Variants in FKBP5 observed in about 807,000 individuals in gnomAD.
FKBP5 encodes FKBP prolyl isomerase 5, also known as peptidyl-prolyl cis-trans isomerase FKBP5.
A neutral mutation model predicts 50.5 loss-of-function variants in FKBP5; 23 were observed. The ratio of observed to expected loss-of-function variants is 0.46; its 90% CI spans 0.33 to 0.65. The LOEUF (loss-of-function observed/expected upper bound fraction) is 0.65, where lower values mean the gene tolerates loss of function less well. FKBP5 is among the 30% of genes least tolerant of loss of function. FKBP5 has a pLI of 0.02. For synonymous variants in FKBP5, 176 were observed against 190.6 expected (o/e 0.92, Z 0.63); for missense variants, 411 against 553.1 (o/e 0.74, Z 2.58).
intron 1 of FKBP5, among the ~76,000 whole-genome samples, chr6:35,665,023 G>A (rs1435520431): frequency 2.6e-5 from 4 of 151,756 alleles, no homozygotes; most frequent in Middle Eastern, 3.4e-3. Context: ...TCTTACTTTC[G>A]ACTCCATAGC....
chr6:35,687,853 C>T (rs1765875545), intron 1 of FKBP5, among the ~76,000 whole-genome samples: 2 of 152,216 alleles, frequency 1.3e-5, no homozygotes, highest in African/African-American at 4.8e-5. Flanking sequence ...CACTGCAGAA[C>T]CCGATTTTAG....
chr6:35,651,914 T>A, intron 1 of FKBP5: 5 of 1,135,066 alleles, frequency 4.4e-6, no homozygotes, highest in Non-Finnish European at 5.6e-6. Flanking sequence ...CATTGTTCAG[T>A]ATGAGTTTTG....
intron 8 of FKBP5, chr6:35,586,528 A>G: frequency 1.0e-6 from 1 of 984,002 alleles, no homozygotes; most frequent in Non-Finnish European, 1.2e-6. Flanking sequence ...GCACTTTGGG[A>G]AGCTGAGGTG....
At chr6:35,581,639 C>T in intron 8 of FKBP5, 1 of 985,350 alleles carries the variant, frequency 1.0e-6, no homozygotes, top group African/African-American at 1.7e-5. Flanking sequence ...AGGGCTGAGA[C>T]AATGTGTCCA....
At chr6:35,582,166 A>C (rs1200431526) in intron 8 of FKBP5, 1 of 964,826 alleles carries the variant, frequency 1.0e-6, no homozygotes, top group Non-Finnish European at 1.2e-6. Context: ...CACTTAGGAG[A>C]GGGAAGACTG....
intron 3 of FKBP5, among the ~76,000 whole-genome samples, chr6:35,621,740 G>C (rs1358083252): frequency 6.6e-6 from 1 of 152,078 alleles, no homozygotes; most frequent in Non-Finnish European, 1.5e-5. Flanking sequence ...CCAGCACTTT[G>C]GGAGGCCAAG....
At chr6:35,681,530 T>C (rs984048161) in intron 1 of FKBP5, among the ~76,000 whole-genome samples, 3 of 152,208 alleles carry the variant, frequency 2.0e-5, no homozygotes, top group Non-Finnish European at 4.4e-5. Context: ...TAAACACTTA[T>C]ACATACTCAT....
rs1396561473 is a variant in FKBP5 at position 35,619,265 on chromosome 6, A to G, written c.394-55T>C. The stretch of plus-strand genomic sequence containing the variant: ...AAAGACCAAATAAAGCCAACTGAAC[A>G]TATGTGAAGGCAAGGGCAACCAATT... On this transcript the variant is annotated intron_variant, in intron 4 of 10. Coordinates refer to ENST00000357266, the MANE Select transcript of FKBP5 (RefSeq NM_004117.4). The G allele has an allele frequency of 4.9e-6, 6 of 1,214,562 alleles. 1 individual carries two copies. Among genetic ancestry groups the G allele is most frequent in the South Asian group, 2.5e-5 (2 of 79,506 alleles). 75.2% of individuals were successfully genotyped at this position (1,214,562 alleles called of 1,614,324 possible). A position where few individuals can be genotyped will look rare whatever the true frequency, so the allele number is the denominator to read the frequency against.
chr6:35,605,797 C>G (rs1763295758), intron 5 of FKBP5, among the ~76,000 whole-genome samples: 1 of 152,178 alleles, frequency 6.6e-6, no homozygotes, highest in Non-Finnish European at 1.5e-5. Context: ...CAGCATGGTA[C>G]TGAGCCACAG....
chr6:35,682,029 C>T (rs561436730), intron 1 of FKBP5, among the ~76,000 whole-genome samples: 1 of 147,794 alleles, frequency 6.8e-6, no homozygotes, highest in African/African-American at 2.6e-5. Flanking sequence ...AACAATAACT[C>T]AAAAGAGAAA....
intron 1 of FKBP5, among the ~76,000 whole-genome samples, chr6:35,680,460 T>C (rs1765635597): frequency 6.6e-6 from 1 of 152,148 alleles, no homozygotes; most frequent in Admixed American, 6.5e-5. Context: ...CCAATATCCA[T>C]TAATTATGCC....
At chr6:35,582,078 G>A in intron 8 of FKBP5, 1 of 985,464 alleles carries the variant, frequency 1.0e-6, no homozygotes, top group Non-Finnish European at 1.2e-6. Flanking sequence ...AGATGGGGCA[G>A]ACCTGTTCCA....
Position 35,654,483 on chromosome 6 carries a change from T to G in FKBP5, c.-19-11640A>C, listed in dbSNP as rs58312291. Among the ~76,000 whole-genome samples, 1,333 of 152,298 alleles carry G rather than the reference T, an allele frequency of 8.8e-3. 14 individuals are homozygous for G. Among genetic ancestry groups the G allele is most frequent in the South Asian group, 0.033 (159 of 4,820 alleles). On this transcript the variant is annotated intron_variant, in intron 1 of 10. Transcript: ENST00000357266. Reference sequence around the variant, plus strand: ...GCACTTAGAAAGTGTCTGAAGTTAGTGTACTATTCCCCTCATTGTCTTTTA... The same window carrying G: ...GCACTTAGAAAGTGTCTGAAGTTAGGGTACTATTCCCCTCATTGTCTTTTA...
chr6:35,637,507 A>G lies in FKBP5; in HGVS notation c.106-349T>C, dbSNP rs1423858634. On this transcript the variant is annotated intron_variant, in intron 2 of 10. Coordinates refer to ENST00000357266, the MANE Select transcript of FKBP5 (RefSeq NM_004117.4). ...GAGACGGAGTCTTGCCCTGTCGCCC[A>G]GGCTGGAGTGCAATGGCACGATCTC... 5.8e-5 allele frequency among the ~76,000 whole-genome samples: 7 copies of G among 119,778 alleles called. No homozygotes were observed. The South Asian group carries it at 1.8e-3, about 31-fold the overall frequency. 78.6% of individuals were successfully genotyped at this position (119,778 alleles called of 152,430 possible).
chr6:35,690,535 G>A (rs1372981153), upstream of FKBP5, among the ~76,000 whole-genome samples: 1 of 151,936 alleles, frequency 6.6e-6, no homozygotes, highest in Non-Finnish European at 1.5e-5. Flanking sequence ...CGCCTCGAGG[G>A]CAGGGGTTCT....
chr6:35,598,079 G>T (rs1230606898), intron 5 of FKBP5, among the ~76,000 whole-genome samples: 1 of 152,124 alleles, frequency 6.6e-6, no homozygotes, highest in Non-Finnish European at 1.5e-5. Context: ...ATATTAGGAG[G>T]TCAATTTTGG....
chr6:35,666,236 C>T (rs536202252), intron 1 of FKBP5, among the ~76,000 whole-genome samples: 1 of 151,508 alleles, frequency 6.6e-6, no homozygotes, highest in East Asian at 1.9e-4. Flanking sequence ...AGTAAGAGTA[C>T]AAATTTGTTG....
In FKBP5 at chr6:35,703,797, A is replaced by G. The variant is rs555302954; in HGVS notation, c.-20+16531T>C. Among the ~76,000 whole-genome samples, 3 of 152,332 alleles carry G rather than the reference A, an allele frequency of 2.0e-5. No individual in the cohort carries two copies. The East Asian group carries it at 5.8e-4, about 29-fold the overall frequency. ...CTTCAATTCTGAAGTGCACAGCAGG[A>G]GGCTTGGTGGTCACAGTGGCAACAG... On this transcript the variant is annotated intron_variant, in intron 2 of 11. Transcript: ENST00000536438.
rs142313322 is a variant in FKBP5, at chr6:35,589,673, AG to A, written c.756+1456del. Among the ~76,000 whole-genome samples, 596 of 152,360 alleles carry A rather than the reference AG, an allele frequency of 3.9e-3. 4 individuals carry two copies. Among genetic ancestry groups the A allele is most frequent in the African/African-American group, 0.013 (547 of 41,584 alleles). On this transcript the variant is annotated intron_variant, in intron 7 of 10. Transcript: ENST00000357266. The stretch of plus-strand genomic sequence containing the variant: ...ACAAAAATGGAAATAGTAAAGCCAT[AG>A]GTCTAAATAACCACATGCTAAAGAT...
Sources: allele counts gnomAD v4.1 joint callset (sites outside exome capture counted in the v4.1 genomes callset), GRCh38; gene constraint gnomAD v4.1.1; transcripts MANE v1.5; gene names NCBI Gene and HGNC (gene_info 2026-07-23, HGNC 2026-07-21).